MLN: variants seen among roughly 807,000 people sequenced by gnomAD.
The protein encoded by MLN is motilin, also known as promotilin.
Under a neutral mutation model 13.3 loss-of-function variants are expected in MLN, and 14 were observed. That is an observed-to-expected ratio of 1.05 (90% CI 0.69 to 1.64). The LOEUF is 1.64. Among genes scored for constraint, MLN ranks in the 40% most tolerant of loss-of-function variants. MLN has a pLI of 0.00. For missense variants in MLN, 122 were observed against 142.9 expected, an observed-to-expected ratio of 0.85 and a Z score of 0.75; for synonymous variants, 59 against 54.7, an observed-to-expected ratio of 1.08 and a Z score of -0.34.
At chr6:33,797,023 C>T (rs562565657) in intron 3 of MLN, among the ~76,000 whole-genome samples, 5 of 152,284 alleles carry the variant, frequency 3.3e-5, no homozygotes, top group South Asian at 2.1e-4. Context: ...CCAGGGAGTT[C>T]GGAGTGGATA....
At chr6:33,797,354 C>T (rs1767950193) in intron 3 of MLN, among the ~76,000 whole-genome samples, 1 of 152,208 alleles carries the variant, frequency 6.6e-6, no homozygotes, top group Admixed American at 6.5e-5. Context: ...CGGATGACTC[C>T]TACATGTGAG....
rs1760892804 is a variant in MLN, at chr6:33,803,293, C to CTTTTT, written c.-8+659_-8+660insAAAAA. 6.7e-6 allele frequency among the ~76,000 whole-genome samples: 1 copy of CTTTTT among 150,082 alleles called. No homozygotes were observed. Among genetic ancestry groups the CTTTTT allele is most frequent in the Non-Finnish European group, 1.5e-5 (1 of 67,706 alleles). On this transcript the variant is annotated intron_variant, in intron 1 of 4. Coordinates refer to ENST00000430124, the MANE Select transcript of MLN (RefSeq NM_002418.3). This position sits in a 1 kb window ranked among gnomAD's most constrained non-coding sequence, Gnocchi z 4.5. Reference sequence around the variant, plus strand: ...TCCCTCGGGGTCAACTTTTTCTTTTCCTTTTCTTTTCTTCTTTTTTTTTTT... The same window carrying CTTTTT: ...TCCCTCGGGGTCAACTTTTTCTTTTCTTTTTCTTTTCTTTTCTTCTTTTTTTTTTT...
chr6:33,796,104 C>A (rs1187261880), intron 3 of MLN, among the ~76,000 whole-genome samples: 1 of 152,062 alleles, frequency 6.6e-6, no homozygotes, highest in Non-Finnish European at 1.5e-5. Context: ...GGACTACAGG[C>A]GCCCGCTACC....
In MLN at chr6:33,803,137, T is replaced by A. The variant is rs1223534950; in HGVS notation, c.-8+816A>T. On this transcript the variant is annotated intron_variant, in intron 1 of 4. Transcript: ENST00000430124. This position sits in a 1 kb window ranked among gnomAD's most constrained non-coding sequence, Gnocchi z 4.5. ...AGCTTTTCATTGTACAGTGAGGCAC[T>A]AACTTTCCTTTCCCATCATCAGAGA... is the stretch of plus-strand genomic sequence containing the variant. Among the ~76,000 whole-genome samples, 1 of 152,164 alleles carries A rather than the reference T, an allele frequency of 6.6e-6. No homozygotes were observed. The highest frequency in any genetic ancestry group is 2.4e-5 in the African/African-American group (1 of 41,426).
At chr6:33,796,618 G>C (rs1767929953) in intron 3 of MLN, among the ~76,000 whole-genome samples, 1 of 152,186 alleles carries the variant, frequency 6.6e-6, no homozygotes, top group Non-Finnish European at 1.5e-5. Flanking sequence ...CGGGCTCCCT[G>C]GGTTCCAGGA....
chr6:33,795,508 T>C lies in MLN; in HGVS notation c.332A>G (p.Gln111Arg). ...LEGLLSEMLPQHAAK is the reference protein window; with the variant it reads ...LEGLLSEMLPRHAAK ...GATGCCCGCCCTCCCCGTACCATGC[T>C]GGGGAAGCATCTCACTCAGCAGCCC... The change falls in exon 4 of 5, where the codon CAG becomes CGG. Residue 111 changes from glutamine (Q) to arginine (R), a missense_variant. By Grantham distance (43) the Gln-to-Arg change is conservative (BLOSUM62 1). Transcript: ENST00000430124. The C allele has an allele frequency of 6.4e-7, 1 of 1,561,302 alleles. No homozygotes were observed. Among genetic ancestry groups the C allele is most frequent in the Non-Finnish European group, 8.7e-7 (1 of 1,151,514 alleles).
chr6:33,797,789 G>T (rs1767959548), intron 3 of MLN, among the ~76,000 whole-genome samples: 1 of 152,070 alleles, frequency 6.6e-6, no homozygotes, highest in African/African-American at 2.4e-5. Context: ...GGTCCCTTCA[G>T]TCTGTTCTCA....
At chr6:33,801,194 G>T (rs1230900541) in intron 1 of MLN, 24 bp from the exon 2 acceptor site, 1 of 1,581,608 alleles carries the variant, frequency 6.3e-7, no homozygotes, top group Admixed American at 1.7e-5. Flanking sequence ...AGGAGCTCTT[G>T]TCACTAAGTT....
chr6:33,798,811 G>A (rs1298400175), intron 3 of MLN, among the ~76,000 whole-genome samples: 1 of 152,180 alleles, frequency 6.6e-6, no homozygotes, highest in East Asian at 1.9e-4. Context: ...CAAATCAAAT[G>A]TCACCTCCTC....
chr6:33,794,701 G>T lies in MLN; in HGVS notation c.*124C>A. The T allele has an allele frequency of 9.8e-7, 1 of 1,024,394 alleles. No individual in the cohort carries two copies. The allele number at this position is 1,024,394 out of a possible 1,614,324, so 63.5% of individuals were successfully genotyped here. On this transcript the variant is annotated 3_prime_UTR_variant, in exon 5 of 5. Coordinates refer to ENST00000430124, the MANE Select transcript of MLN (RefSeq NM_002418.3). ...ATATTTCATGCTTTATTTGCTGGAG[G>T]GGAATTTGCTTTGGAAAGGGTGTTT...
chr6:33,797,854 A>C (rs1341300207), intron 3 of MLN, among the ~76,000 whole-genome samples: 1 of 152,084 alleles, frequency 6.6e-6, no homozygotes, highest in Non-Finnish European at 1.5e-5. Flanking sequence ...TCCTCTGCTC[A>C]AAACCCCCAA....
chr6:33,795,755 C>T (rs1767902061), intron 3 of MLN, 150 bp from the exon 4 acceptor site: 1 of 656,104 alleles, frequency 1.5e-6, no homozygotes, highest in Admixed American at 2.4e-5. Flanking sequence ...AATTCTGCCA[C>T]CTTCCCCTAA....
rs2127386654 is a variant in MLN, at chr6:33,795,323, C to T, written c.337+180G>A. On this transcript the variant is annotated intron_variant, in intron 4 of 4. Coordinates refer to ENST00000430124, the MANE Select transcript of MLN (RefSeq NM_002418.3). Reference sequence around the variant, plus strand: ...GGGAACCCAGCCTGAGACCCGCCTCCCTGGAGAACTGCTGCAGCCACCAGC... The same window carrying T: ...GGGAACCCAGCCTGAGACCCGCCTCTCTGGAGAACTGCTGCAGCCACCAGC... 2.0e-5 allele frequency among the ~76,000 whole-genome samples: 3 copies of T among 152,358 alleles called. No individual in the cohort carries two copies. The Middle Eastern group carries it at 0.01, about 518-fold the overall frequency.
rs573692266 is a variant in MLN, at chr6:33,803,684, C to T, written c.-8+269G>A. On this transcript the variant is annotated intron_variant, in intron 1 of 4. Coordinates refer to ENST00000430124, the MANE Select transcript of MLN (RefSeq NM_002418.3). The surrounding 1 kb of genome is among the most constrained non-coding windows in gnomAD (Gnocchi z 4.5). ...CATGATGAGCTCTGGCTTGGGTTCC[C>T]GGCCCACCGTGGATGTGCCAGACCC... Among the ~76,000 whole-genome samples the T allele has an allele frequency of 6.4e-4, 97 of 152,324 alleles. No individual in the cohort carries two copies. Among genetic ancestry groups the T allele is most frequent in the South Asian group, 1.9e-3 (9 of 4,830 alleles).
In MLN at chr6:33,799,202, C is replaced by G; in HGVS notation, c.137G>C (p.Gly46Ala). Residue 46 changes from glycine (G) to alanine (A), a missense_variant, in exon 3 of 5, where the codon GGG (glycine) becomes GCG (alanine). Transcript: ENST00000430124. This position sits in a 1 kb window ranked among gnomAD's most constrained non-coding sequence, Gnocchi z 4.6. ...QRMQEKERNKGQKKSLSVWQR... is the reference protein window; with the variant it reads ...QRMQEKERNKAQKKSLSVWQR... ...CCATACACTCAGGGATTTCTTTTGCCCTTTATTCCGTTCCTTTTCCTAGGG... is the reference window on the plus strand; with the variant it reads ...CCATACACTCAGGGATTTCTTTTGCGCTTTATTCCGTTCCTTTTCCTAGGG... The G allele has an allele frequency of 6.2e-7, 1 of 1,611,920 alleles. No individual in the cohort carries two copies. The highest frequency in any genetic ancestry group is 1.1e-5 in the South Asian group (1 of 90,882).
intron 1 of MLN, among the ~76,000 whole-genome samples, chr6:33,801,546 C>T (rs1216950171): frequency 2.0e-5 from 3 of 152,236 alleles, no homozygotes; most frequent in African/African-American, 7.2e-5. Context: ...AGATTATCAA[C>T]AGAACTGTGC....
rs140594575 is a variant in MLN, at chr6:33,800,652, CT to C, written c.117+394del. ...ATTCATCATGTCCTGCCTGTGACATCTCTCTTTTGTCTTCGACTGTTAGTTA... is the reference window on the plus strand; with the variant it reads ...ATTCATCATGTCCTGCCTGTGACATCCTCTTTTGTCTTCGACTGTTAGTTA... On this transcript the variant is annotated intron_variant, in intron 2 of 4. Transcript: ENST00000430124. Among the ~76,000 whole-genome samples the C allele has an allele frequency of 5.6e-3, 849 of 152,376 alleles. 11 individuals carry two copies. Among genetic ancestry groups the C allele is most frequent in the African/African-American group, 0.019 (799 of 41,588 alleles).
rs147473738 is a variant in MLN at position 33,798,312 on chromosome 6, C to G, written c.234+793G>C. ...GCAGAGATTTTGTCTGTTCACTACC[C>G]TGTCCCCAGTGCCTGGAACAGTGCC... On this transcript the variant is annotated intron_variant, in intron 3 of 4. Transcript: ENST00000430124. Among the ~76,000 whole-genome samples, 580 of 152,294 alleles carry G rather than the reference C, an allele frequency of 3.8e-3. 7 individuals carry two copies. Among genetic ancestry groups the G allele is most frequent in the Non-Finnish European group, 6.2e-3 (425 of 68,028 alleles).
rs1409151037 is a variant in MLN, at chr6:33,794,843, A to C, written c.338-8T>G. ...GTGGCCATCACTTGGCTGCTGGAGA[A>C]AAGCAGAGGTTTGCGCTCAGTACCA... On this transcript the variant is annotated splice_polypyrimidine_tract_variant and splice_region_variant and intron_variant, in intron 4 of 4. Coordinates refer to ENST00000430124, the MANE Select transcript of MLN (RefSeq NM_002418.3). The C allele has an allele frequency of 1.1e-5, 18 of 1,613,524 alleles. No homozygotes were observed. The highest frequency in any genetic ancestry group is 1.5e-5 in the Non-Finnish European group (18 of 1,179,750).
Sources: gnomAD v4.1 joint callset for allele counts (sites outside exome capture counted in the v4.1 genomes callset) on GRCh38, gnomAD v4.1.1 for gene constraint, Gnocchi (gnomAD v3.1) non-coding constraint, MANE v1.5 for transcripts, NCBI Gene and HGNC (gene_info 2026-07-23, HGNC 2026-07-21) for gene names.